Variants in PRMT7 observed in about 807,000 individuals in gnomAD.
The protein encoded by PRMT7 is protein arginine methyltransferase 7.
Under a neutral mutation model 85.4 loss-of-function variants are expected in PRMT7, and 75 were observed. The observed-to-expected ratio is 0.88, with a 90% CI of 0.73 to 1.06. The LOEUF (loss-of-function observed/expected upper bound fraction) is 1.06, where lower values mean the gene tolerates loss of function less well. Among genes scored for constraint, PRMT7 ranks in the 50% least tolerant of loss-of-function variants. The pLI, the probability that PRMT7 is intolerant of heterozygous loss-of-function variation, is 0.00. For missense variants in PRMT7, 868 were observed against 915.2 expected, an observed-to-expected ratio of 0.95 and a Z score of 0.67; for synonymous variants, 397 against 359.5, an observed-to-expected ratio of 1.10 and a Z score of -1.18.
chr16:68,324,397 G>A (rs2082860759), intron 4 of PRMT7: 1 of 427,494 alleles, frequency 2.3e-6, no homozygotes, highest in Admixed American at 4.1e-5. Flanking sequence ...CCCCCTTTTG[G>A]CTGTACCTAA....
chr16:68,324,873 G>C lies in PRMT7; in HGVS notation c.282+41G>C, dbSNP rs764051864. 5 of 1,608,696 alleles carry C rather than the reference G, an allele frequency of 3.1e-6. No individual in the cohort carries two copies. In the Admixed American group the frequency reaches 8.5e-5, roughly 27 times the overall value. On this transcript the variant is annotated intron_variant, in intron 5 of 18. Coordinates refer to ENST00000441236, the MANE Select transcript of PRMT7 (RefSeq NM_019023.5). ...CAGGTGTGTGTCCTGCATCTTGCAT[G>C]GGAAATCCCCTATGCTCTTGCACTT... is the stretch of plus-strand genomic sequence containing the variant.
rs1466602270 is a variant in PRMT7, at chr16:68,348,197, T to A, written c.1324-145T>A. ...ATAGGATGCCCCCCAAGGAGAGGAT[T>A]TTTCCACAAAGCAGATAAAAGTGGT... On this transcript the variant is annotated intron_variant, in intron 13 of 18. Coordinates refer to ENST00000441236, the MANE Select transcript of PRMT7 (RefSeq NM_019023.5). The A allele has an allele frequency of 5.8e-6, 4 of 691,218 alleles. No individual in the cohort carries two copies. The South Asian group carries it at 7.4e-5, about 13-fold the overall frequency. The allele number at this position is 691,218 out of a possible 1,614,324, so 42.8% of individuals were successfully genotyped here.
At chr16:68,338,739 G>A (rs562250525) in intron 7 of PRMT7, among the ~76,000 whole-genome samples, 1 of 152,320 alleles carries the variant, frequency 6.6e-6, no homozygotes, top group South Asian at 2.1e-4. Flanking sequence ...GAGGCCAGTG[G>A]TGTCCTGGTG....
At position 68,353,399 on chromosome 16, in the gene PRMT7, G is replaced by T. The variant is rs774752192; in HGVS notation, c.1576-93G>T. 16 of 1,589,120 alleles carry T rather than the reference G, an allele frequency of 1.0e-5. No homozygotes were observed. In the Admixed American group the frequency reaches 2.3e-4, roughly 23 times the overall value. On this transcript the variant is annotated intron_variant, in intron 15 of 18. Transcript: ENST00000441236. ...ATACTTGGGGGTCTCTTTCAGGTGT[G>T]CAGGGAACAGCAAGATGTGCCTCTT...
At position 68,347,225 on chromosome 16, in the gene PRMT7, C is replaced by G. The variant is rs952290677; in HGVS notation, c.1206C>G (p.Asp402Glu). 1.9e-5 allele frequency: 29 copies of G among 1,552,660 alleles called. No homozygotes were observed. Among genetic ancestry groups the G allele is most frequent in the Non-Finnish European group, 2.5e-5 (29 of 1,147,324 alleles). Residue 402 changes from aspartate (D) to glutamate (E), a missense_variant, in exon 12 of 19, where the codon GAC becomes GAG. Coordinates refer to ENST00000441236, the MANE Select transcript of PRMT7 (RefSeq NM_019023.5). ...GTTCCCCGCAGGTGCTGAAGCCAGA[C>G]AGCGTGTGCCTGTGTGTCAGCGATG... Reference protein sequence around the residue: ...VQALRTVLKPDSVCLCVSDGS... With the variant: ...VQALRTVLKPESVCLCVSDGS...
chr16:68,334,076 C>A (rs575704529), intron 6 of PRMT7, among the ~76,000 whole-genome samples: 1 of 152,228 alleles, frequency 6.6e-6, no homozygotes, highest in South Asian at 2.1e-4. Context: ...TGGCCAATTT[C>A]GTAATACTTT....
rs775552828 is a variant in PRMT7 at position 68,339,995 on chromosome 16, CCT to C, written c.927+28_927+29del. On this transcript the variant is annotated intron_variant, in intron 9 of 18. Transcript: ENST00000441236. ...TAAGAGGCAGGAGCCTAGCATGTGC[CCT>C]GTCAGGAAACTTGTCCACTGCTGTT... 4 of 1,575,220 alleles carry C rather than the reference CCT, an allele frequency of 2.5e-6. No homozygotes were observed. The African/African-American group carries it at 5.5e-5, about 22-fold the overall frequency.
intron 7 of PRMT7, among the ~76,000 whole-genome samples, chr16:68,338,001 C>G (rs1288024001): frequency 1.3e-5 from 2 of 152,052 alleles, no homozygotes; most frequent in South Asian, 4.1e-4. Flanking sequence ...ATGGGCTTAG[C>G]AACTGAGGCT....
intron 12 of PRMT7, 129 bp downstream of exon 12, chr16:68,347,423 G>A: frequency 9.1e-7 from 1 of 1,104,172 alleles, no homozygotes. Flanking sequence ...GCATGCTCGG[G>A]TCAGGGGCTG....
chr16:68,355,557 A>G, intron 16 of PRMT7, 166 bp from the exon 17 acceptor site: 1 of 611,086 alleles, frequency 1.6e-6, no homozygotes, highest in Non-Finnish European at 2.5e-6. Context: ...CTGATGAGAG[A>G]GAAGTGGCAG....
At chr16:68,359,933 T>G (rs1251458441), downstream of PRMT7, 1 of 152,476 alleles carries the variant, frequency 6.6e-6, no homozygotes, top group Non-Finnish European at 1.5e-5. Context: ...CATGCTGAAC[T>G]TGGGTGCCAG....
intron 2 of PRMT7, among the ~76,000 whole-genome samples, chr16:68,312,898 C>T (rs1229948101): frequency 6.6e-6 from 1 of 152,216 alleles, no homozygotes; most frequent in Non-Finnish European, 1.5e-5. Context: ...GATCTTGGCT[C>T]ACTGCAACCT....
chr16:68,357,323 C>T lies in PRMT7; in HGVS notation c.*99C>T, dbSNP rs1033097239. The T allele has an allele frequency of 8.4e-6, 11 of 1,310,064 alleles. No homozygotes were observed. The highest frequency in any genetic ancestry group is 4.5e-5 in the African/African-American group (3 of 67,218). 81.2% of individuals were successfully genotyped at this position (1,310,064 alleles called of 1,614,324 possible). Reference sequence around the variant, plus strand: ...AAGGCCCTCCTCTCCTCTCTGGGAGCTGCTCGGCCTCAGGGATGGGAAAGA... The same window carrying T: ...AAGGCCCTCCTCTCCTCTCTGGGAGTTGCTCGGCCTCAGGGATGGGAAAGA... On this transcript the variant is annotated 3_prime_UTR_variant, in exon 19 of 19. Transcript: ENST00000441236.
chr16:68,314,188 G>A (rs185961003), intron 2 of PRMT7, among the ~76,000 whole-genome samples: 8 of 152,214 alleles, frequency 5.3e-5, no homozygotes, highest in African/African-American at 1.7e-4. Context: ...CCTGACTGCC[G>A]GCCTGAGTTT....
At chr16:68,314,944 G>T (rs1005147567) in intron 2 of PRMT7, among the ~76,000 whole-genome samples, 1 of 151,974 alleles carries the variant, frequency 6.6e-6, no homozygotes, top group Non-Finnish European at 1.5e-5. Context: ...AATTTGAATA[G>T]ATAAGAAGTA....
chr16:68,338,223 C>T (rs763381877), intron 7 of PRMT7, among the ~76,000 whole-genome samples: 1 of 152,076 alleles, frequency 6.6e-6, no homozygotes, highest in Non-Finnish European at 1.5e-5. Context: ...CGCTGTGGTA[C>T]AGTGGGCCTC....
At chr16:68,357,012 T>C in intron 18 of PRMT7, 42 bp from the exon 19 acceptor site, 1 of 1,559,470 alleles carries the variant, frequency 6.4e-7, no homozygotes, top group Non-Finnish European at 8.7e-7. Flanking sequence ...GAGGCTCAGG[T>C]GCCAGGGAGC....
rs1441232897 is a variant in PRMT7 at position 68,352,270 on chromosome 16, C to T, written c.1436C>T (p.Pro479Leu). Residue 479 changes from proline (P) to leucine (L), a missense_variant, in exon 15 of 19, where the codon CCG (proline) becomes CTG (leucine). Transcript: ENST00000441236. ...GRKVSLLLGE[P>L]FFTTSLLPWH... The stretch of plus-strand genomic sequence containing the variant: ...CAGGTCTCTCTCCTCCTGGGCGAGC[C>T]GTTCTTCACTACCAGCCTGCTGCCG... The T allele has an allele frequency of 3.7e-6, 6 of 1,613,568 alleles. No individual in the cohort carries two copies. Among genetic ancestry groups the T allele is most frequent in the East Asian group, 2.2e-5 (1 of 44,888 alleles).
At chr16:68,311,167 C>A in intron 1 of PRMT7, 68 bp downstream of exon 1, 1 of 622,572 alleles carries the variant, frequency 1.6e-6, no homozygotes. Context: ...GCATGGTGTC[C>A]TTGGCACCAG....
Sources: allele counts gnomAD v4.1 joint callset (sites outside exome capture counted in the v4.1 genomes callset), GRCh38; gene constraint gnomAD v4.1.1; transcripts MANE v1.5; gene names NCBI Gene and HGNC (gene_info 2026-07-23, HGNC 2026-07-21).